FBXL20: variants seen among roughly 807,000 people sequenced by gnomAD.
FBXL20 encodes F-box/LRR-repeat protein 20.
A neutral mutation model predicts 64.0 loss-of-function variants in FBXL20; 11 were observed. That is an observed-to-expected ratio of 0.17 (90% CI 0.11 to 0.28). The LOEUF is 0.28. Ranked by LOEUF, FBXL20 falls within the 10% of genes least tolerant of loss-of-function variation. FBXL20 has a pLI of 1.00. For missense variants in FBXL20, 303 were observed against 526.2 expected (o/e 0.58, Z 4.15); for synonymous variants, 184 against 189.0 (o/e 0.97, Z 0.22).
At chr17:39,280,103 C>T (rs563898509) in intron 9 of FBXL20, among the ~76,000 whole-genome samples, 94 of 152,062 alleles carry the variant, frequency 6.2e-4, no homozygotes, top group Non-Finnish European at 9.4e-4. Flanking sequence ...GGTGTGGTGA[C>T]GGGCGCTTGT....
At chr17:39,315,824 A>AGT (rs2047283443) in intron 2 of FBXL20, among the ~76,000 whole-genome samples, 1 of 111,002 alleles carries the variant, frequency 9.0e-6, no homozygotes, top group Non-Finnish European at 1.7e-5. Flanking sequence ...AGTGAGAGAG[A>AGT]GAGACAGAGA....
chr17:39,272,816 C>T (rs2046858388), intron 10 of FBXL20, among the ~76,000 whole-genome samples: 1 of 151,716 alleles, frequency 6.6e-6, no homozygotes, highest in Non-Finnish European at 1.5e-5. Flanking sequence ...TTGATTTTCA[C>T]AGTTGAGAGC....
intron 1 of FBXL20, among the ~76,000 whole-genome samples, chr17:39,362,341 T>C (rs2047804597): frequency 6.6e-6 from 1 of 151,930 alleles, no homozygotes; most frequent in African/African-American, 2.4e-5. Flanking sequence ...GGCTCATACC[T>C]GTAATCCCAG....
At chr17:39,387,993 T>C (rs1221439002) in intron 1 of FBXL20, among the ~76,000 whole-genome samples, 1 of 152,176 alleles carries the variant, frequency 6.6e-6, no homozygotes, top group Non-Finnish European at 1.5e-5. Context: ...ACATATTTCA[T>C]TTGAATATAT....
At chr17:39,301,129 G>A (rs1413255612) in intron 3 of FBXL20, 54 bp from the exon 4 acceptor site, 10 of 1,526,168 alleles carry the variant, frequency 6.6e-6, no homozygotes, top group Non-Finnish European at 8.1e-6. Context: ...AAGGGGAAAA[G>A]GCAGCAATAT....
intron 2 of FBXL20, among the ~76,000 whole-genome samples, chr17:39,306,093 T>C (rs1195478823): frequency 6.6e-6 from 1 of 152,012 alleles, no homozygotes. Flanking sequence ...TGTGTTCAGT[T>C]TGAGGCTGCA....
chr17:39,382,832 T>C (rs1427007907), intron 1 of FBXL20, among the ~76,000 whole-genome samples: 2 of 151,632 alleles, frequency 1.3e-5, no homozygotes, highest in Non-Finnish European at 2.9e-5. Flanking sequence ...GAGTGAGACG[T>C]TGTCTCTAAT....
intron 1 of FBXL20, among the ~76,000 whole-genome samples, chr17:39,362,474 C>T (rs2047806932): frequency 2.0e-5 from 3 of 152,256 alleles, no homozygotes; most frequent in Admixed American, 6.5e-5. Context: ...CAGGCATGTG[C>T]CACCACACCC....
intron 6 of FBXL20, among the ~76,000 whole-genome samples, chr17:39,288,263 C>A (rs1319002819): frequency 6.6e-6 from 1 of 152,052 alleles, no homozygotes; most frequent in East Asian, 1.9e-4. Flanking sequence ...AGCCACCGCA[C>A]CTGGTGTAAA....
At chr17:39,398,681 T>G (rs775822984) in intron 1 of FBXL20, among the ~76,000 whole-genome samples, 5 of 151,364 alleles carry the variant, frequency 3.3e-5, no homozygotes, top group Non-Finnish European at 5.9e-5. Context: ...TGTTTTTTGT[T>G]TTTTTTTTGG....
At chr17:39,378,902 C>G (rs1229291689) in intron 1 of FBXL20, among the ~76,000 whole-genome samples, 1 of 150,628 alleles carries the variant, frequency 6.6e-6, no homozygotes, top group African/African-American at 2.4e-5. Flanking sequence ...TGAGCCACCG[C>G]GCCCGGCCAT....
At chr17:39,311,862 C>T (rs577441513) in intron 2 of FBXL20, among the ~76,000 whole-genome samples, 6 of 152,082 alleles carry the variant, frequency 3.9e-5, no homozygotes, top group Non-Finnish European at 8.8e-5. Context: ...ACTTTAGTAA[C>T]CTTTCAAGAG....
chr17:39,398,616 A>C (rs537181393), intron 1 of FBXL20, among the ~76,000 whole-genome samples: 2 of 152,246 alleles, frequency 1.3e-5, no homozygotes, highest in South Asian at 4.1e-4. Flanking sequence ...GTAGTCATCT[A>C]CTTTGGCTAT....
intron 1 of FBXL20, among the ~76,000 whole-genome samples, chr17:39,381,778 G>A (rs1185043934): frequency 1.4e-5 from 2 of 146,780 alleles, no homozygotes; most frequent in East Asian, 4.1e-4. Context: ...GGGTGACAGA[G>A]CAAGACCCTC....
At chr17:39,372,848 C>T (rs918093503) in intron 1 of FBXL20, among the ~76,000 whole-genome samples, 1 of 152,006 alleles carries the variant, frequency 6.6e-6, no homozygotes, top group Non-Finnish European at 1.5e-5. Context: ...TGGTCACAAA[C>T]TCCTGACCTC....
intron 1 of FBXL20, among the ~76,000 whole-genome samples, chr17:39,382,216 G>A (rs1050110720): frequency 1.3e-5 from 2 of 152,056 alleles, no homozygotes; most frequent in African/African-American, 2.4e-5. Context: ...GGCCGAGGTG[G>A]GCAGATCACA....
At chr17:39,329,854 C>T (rs1019021336) in intron 2 of FBXL20, among the ~76,000 whole-genome samples, 2 of 151,954 alleles carry the variant, frequency 1.3e-5, no homozygotes, top group African/African-American at 4.8e-5. Context: ...TTAAATTAGC[C>T]AGGTGTGATG....
intron 2 of FBXL20, among the ~76,000 whole-genome samples, chr17:39,319,453 G>A (rs532357194): frequency 6.6e-6 from 1 of 152,044 alleles, no homozygotes; most frequent in Non-Finnish European, 1.5e-5. Context: ...TTGGGAGGAC[G>A]AGGTGGGCGG....
At chr17:39,398,714 G>A (rs1012660360) in intron 1 of FBXL20, among the ~76,000 whole-genome samples, 3 of 151,364 alleles carry the variant, frequency 2.0e-5, no homozygotes, top group Admixed American at 6.6e-5. Context: ...TCGCTCTGTC[G>A]CCCAGGCTGG....
Sources: allele counts gnomAD v4.1 joint callset (sites outside exome capture counted in the v4.1 genomes callset), GRCh38; gene constraint gnomAD v4.1.1; transcripts MANE v1.5; gene names NCBI Gene and HGNC (gene_info 2026-07-23, HGNC 2026-07-21).